TDRKH: variants seen among roughly 807,000 people sequenced by gnomAD.
TDRKH encodes the protein tudor and KH domain containing, also known as tudor and KH domain-containing protein.
Under a neutral mutation model 61.3 loss-of-function variants are expected in TDRKH, and 28 were observed. The ratio of observed to expected loss-of-function variants is 0.46; its 90% CI spans 0.34 to 0.63. The LOEUF (loss-of-function observed/expected upper bound fraction) is 0.63. Among genes scored for constraint, TDRKH ranks in the 20% least tolerant of loss-of-function variants. The probability of loss-of-function intolerance (pLI) is 0.01; values close to 1 mark genes in which losing one functional copy is unlikely to be tolerated. For missense variants in TDRKH, 540 were observed against 683.4 expected (o/e 0.79, Z 2.34); for synonymous variants, 219 against 244.4 (o/e 0.90, Z 0.97).
At position 151,778,837 on chromosome 1, in the gene TDRKH, A is replaced by G; in HGVS notation, c.731T>C (p.Met244Thr). The part of the protein sequence containing the change: ...PALWKNTSSS[M>T]EPTAPLVTPP... ...AGTCACCAGGGGTGCAGTCGGCTCC[A>G]TGCTAGAACTGGTGTTTTTCCATAA... The change falls in exon 6 of 13, where the codon ATG becomes ACG. Residue 244 changes from methionine to threonine, a missense_variant. Around this residue, in one of 3 missense-constraint regions of TDRKH, gnomAD observed 379 missense variants for 443.8 expected, o/e 0.85. Coordinates refer to ENST00000368824, the MANE Select transcript of TDRKH (RefSeq NM_001083965.2). 1.2e-6 allele frequency: 2 copies of G among 1,614,196 alleles called. No individual in the cohort carries two copies. The highest frequency in any genetic ancestry group is 1.7e-6 in the Non-Finnish European group (2 of 1,180,040).
chr1:151,780,160 T>A lies in TDRKH; in HGVS notation c.232-20A>T. On this transcript the variant is annotated intron_variant, in intron 3 of 12. Transcript: ENST00000368824. Reference sequence around the variant, plus strand: ...CCGCAGCTGCAAAGAAAAGGACATTTGGCAGTACATTCTGGAAGAGCTCCC... The same window carrying A: ...CCGCAGCTGCAAAGAAAAGGACATTAGGCAGTACATTCTGGAAGAGCTCCC... The A allele has an allele frequency of 6.2e-7, 1 of 1,602,862 alleles. No homozygotes were observed. Among genetic ancestry groups the A allele is most frequent in the Non-Finnish European group, 8.5e-7 (1 of 1,170,872 alleles).
intron 2 of TDRKH, 100 bp from the exon 3 acceptor site, chr1:151,781,687 C>A: frequency 1.0e-6 from 1 of 991,458 alleles, no homozygotes. Flanking sequence ...AGACACTGAT[C>A]CAAGAGATAA....
intron 1 of TDRKH, among the ~76,000 whole-genome samples, chr1:151,788,785 C>T (rs1650596448): frequency 6.6e-6 from 1 of 152,194 alleles, no homozygotes; most frequent in Non-Finnish European, 1.5e-5. Flanking sequence ...CCAGTTCTGA[C>T]ACTATCAAGA....
chr1:151,776,039 C>T, intron 8 of TDRKH, 57 bp downstream of exon 8: 1 of 1,583,616 alleles, frequency 6.3e-7, no homozygotes, highest in Admixed American at 1.7e-5. Context: ...CAACAGCTCA[C>T]CACCCTATGG....
chr1:151,781,344 T>TATATATATATATATATCTATATATATATA (rs61409858), intron 3 of TDRKH, 137 bp downstream of exon 3: 1 of 182,706 alleles, frequency 5.5e-6, no homozygotes, highest in Admixed American at 6.5e-5. Flanking sequence ...TATATATATA[T>TATATATATATATATATCTATATATATATA]TTTATATATA....
At chr1:151,770,442 C>T, downstream of TDRKH, 1 of 791,334 alleles carries the variant, frequency 1.3e-6, no homozygotes, top group Non-Finnish European at 1.9e-6. Context: ...CAACTGGACT[C>T]TGAGGAAGCC....
intron 2 of TDRKH, 34 bp downstream of exon 2, chr1:151,782,865 C>T (rs371432554): frequency 6.6e-6 from 10 of 1,521,090 alleles, no homozygotes; most frequent in African/African-American, 2.9e-5. Context: ...CATGTCTGAA[C>T]ATTTTCACAC....
rs747773276 is a variant in TDRKH at position 151,778,967 on chromosome 1, G to A, written c.601C>T (p.Arg201Trp). 1.5e-5 allele frequency: 24 copies of A among 1,613,990 alleles called. No individual in the cohort carries two copies. The highest frequency in any genetic ancestry group is 6.7e-5 in the African/African-American group (5 of 74,884). The change falls in exon 6 of 13, where the codon CGG (arginine) becomes TGG (tryptophan). Residue 201 changes from arginine (R) to tryptophan (W), a missense_variant. Coordinates refer to ENST00000368824, the MANE Select transcript of TDRKH (RefSeq NM_001083965.2). ...LEKVSEDEEL[R>W]KRIAHSAETR... is the part of the protein sequence containing the mutation. ...TCTGCAGAATGAGCAATTCTCTTCC[G>A]AAGTTCTTCATCTTCTGAAACTTTC...
chr1:151,783,799 A>G (rs1307785271), intron 1 of TDRKH: 1 of 152,168 alleles, frequency 6.6e-6, no homozygotes, highest in African/African-American at 2.4e-5. Flanking sequence ...AGACCATTTC[A>G]TCCACATATG....
intron 6 of TDRKH, among the ~76,000 whole-genome samples, chr1:151,778,224 A>G (rs1558142185): frequency 6.6e-6 from 1 of 152,180 alleles, no homozygotes; most frequent in Non-Finnish European, 1.5e-5. Context: ...CAGACACAGA[A>G]AGTTTGGGGT....
downstream of TDRKH, chr1:151,770,289 C>T (rs759712816): frequency 1.1e-5 from 17 of 1,602,628 alleles, no homozygotes; most frequent in East Asian, 2.2e-5. Context: ...TTGCTTTTCG[C>T]GCTGAGGCAG....
chr1:151,777,302 C>T (rs547395047), intron 6 of TDRKH, among the ~76,000 whole-genome samples: 8 of 152,028 alleles, frequency 5.3e-5, no homozygotes, highest in South Asian at 4.2e-4. Context: ...AAAAATCAGT[C>T]GGATGTGGTG....
chr1:151,766,827 C>T, downstream of TDRKH: 1 of 1,610,774 alleles, frequency 6.2e-7, no homozygotes, highest in Non-Finnish European at 8.5e-7. Flanking sequence ...CGCCTATTAC[C>T]TTTACTGTTA....
downstream of TDRKH, chr1:151,771,528 C>T (rs1648704671): frequency 2.6e-6 from 1 of 389,634 alleles, no homozygotes; most frequent in Non-Finnish European, 4.3e-6. Context: ...TTACTGAGCA[C>T]TAATCAGTGA....
At chr1:151,781,328 A>ATATATATATATATAT (rs1553282748) in intron 3 of TDRKH, among the ~76,000 whole-genome samples, 153 bp downstream of exon 3, 3 of 68,598 alleles carry the variant, frequency 4.4e-5, no homozygotes, top group South Asian at 3.7e-4. Context: ...AAAAAAAAAA[A>ATATATATATATATAT]ATATATATAT....
chr1:151,769,083 C>T (rs1259752369), downstream of TDRKH, among the ~76,000 whole-genome samples: 2 of 151,728 alleles, frequency 1.3e-5, no homozygotes, highest in African/African-American at 4.8e-5. Context: ...GACACAGCAA[C>T]AATCTGATTT....
At position 151,774,523 on chromosome 1, in the gene TDRKH, A is replaced by G. The variant is rs752308812; in HGVS notation, c.1634-19T>C. Reference sequence around the variant, plus strand: ...GCAGCTTCTATTGAAGATAAATAAGAAGGAGAAAGTTAGACACTGCCCTAT... The same window carrying G: ...GCAGCTTCTATTGAAGATAAATAAGGAGGAGAAAGTTAGACACTGCCCTAT... On this transcript the variant is annotated intron_variant, in intron 12 of 12. Coordinates refer to ENST00000368824, the MANE Select transcript of TDRKH (RefSeq NM_001083965.2). 13 of 1,613,894 alleles carry G rather than the reference A, an allele frequency of 8.1e-6. No homozygotes were observed. Among genetic ancestry groups the G allele is most frequent in the Non-Finnish European group, 1.1e-5 (13 of 1,179,910 alleles).
At chr1:151,781,328 A>AAATATATATATATAT (rs1491536697) in intron 3 of TDRKH, among the ~76,000 whole-genome samples, 153 bp downstream of exon 3, 2 of 68,590 alleles carry the variant, frequency 2.9e-5, no homozygotes, top group African/African-American at 9.7e-5. Context: ...AAAAAAAAAA[A>AAATATATATATATAT]ATATATATAT....
rs1649597643 is a variant in TDRKH, at chr1:151,780,031, G to A, written c.341C>T (p.Ala114Val). The A allele has an allele frequency of 4.3e-6, 7 of 1,614,206 alleles. No individual in the cohort carries two copies. Among genetic ancestry groups the A allele is most frequent in the Non-Finnish European group, 5.9e-6 (7 of 1,180,038 alleles). The stretch of plus-strand genomic sequence containing the variant: ...ATTCTCTGTCAGGATCTGATGGATT[G>A]CTGCTTTGGCCTTGCACACCTGAAC... ...FPVQVCKAKAAIHQILTENTP... is the reference protein window; with the variant it reads ...FPVQVCKAKAVIHQILTENTP... The change falls in exon 4 of 13, where the codon GCA becomes GTA. Residue 114 changes from alanine to valine, a missense_variant. By Grantham distance (64) the Ala-to-Val change is moderately conservative. This residue lies in a region of TDRKH where 156 missense variants were observed against 218.0 expected (regional missense o/e 0.72). Transcript: ENST00000368824.
Sources: gnomAD v4.1 joint callset for allele counts (sites outside exome capture counted in the v4.1 genomes callset) on GRCh38, gnomAD v4.1.1 for gene constraint, gnomAD v4.1.1 regional missense constraint, MANE v1.5 for transcripts, NCBI Gene and HGNC (gene_info 2026-07-23, HGNC 2026-07-21) for gene names.